The following NPC1 variants were observed in gnomAD, a reference collection of about 807,000 sequenced individuals.
The protein encoded by NPC1 is NPC intracellular cholesterol transporter 1.
In NPC1, 85 loss-of-function variants were observed where a neutral mutation model predicts 140.4. That is an observed-to-expected ratio of 0.61 (90% CI 0.51 to 0.72). The LOEUF (loss-of-function observed/expected upper bound fraction) is 0.72. NPC1 is among the 30% of genes least tolerant of loss of function. The probability of loss-of-function intolerance (pLI) is 0.00; values close to 1 mark genes in which losing one functional copy is unlikely to be tolerated. For missense variants in NPC1, 1,504 were observed against 1,623.8 expected, an observed-to-expected ratio of 0.93 and a Z score of 1.27; for synonymous variants, 656 against 624.8, an observed-to-expected ratio of 1.05 and a Z score of -0.74.
At chr18:23,573,158 T>G (rs144483898) in intron 2 of NPC1, among the ~76,000 whole-genome samples, 19 of 152,328 alleles carry the variant, frequency 1.2e-4, no homozygotes, top group Middle Eastern at 3.4e-3. Context: ...TAATATATTT[T>G]GCAGATGCTG....
At chr18:23,546,227 T>G (rs2058786762) in intron 11 of NPC1, among the ~76,000 whole-genome samples, 3 of 114,222 alleles carry the variant, frequency 2.6e-5, no homozygotes. Context: ...CCAGCCTGGA[T>G]GACACAGCAA....
rs542502789 is a variant in NPC1 at position 23,557,949 on chromosome 18, C to A, written c.882-759G>T. Among the ~76,000 whole-genome samples, 5 of 152,184 alleles carry A rather than the reference C, an allele frequency of 3.3e-5. No homozygotes were observed. The East Asian group carries it at 5.8e-4, about 18-fold the overall frequency. On this transcript the variant is annotated intron_variant, in intron 6 of 24. Coordinates refer to ENST00000269228, the MANE Select transcript of NPC1 (RefSeq NM_000271.5). Reference sequence around the variant, plus strand: ...GCCAGCCAGAAGGCACTCCCAATGGCCCAAAGTGGAAAACTTTGAGTAACA... The same window carrying A: ...GCCAGCCAGAAGGCACTCCCAATGGACCAAAGTGGAAAACTTTGAGTAACA...
chr18:23,541,547 G>T, intron 14 of NPC1, 114 bp from the exon 15 acceptor site: 1 of 1,359,900 alleles, frequency 7.4e-7, no homozygotes, highest in Non-Finnish European at 1.0e-6. Flanking sequence ...CCAAACGCAT[G>T]AGAAGGCATG....
chr18:23,557,519 G>A (rs956558698), intron 6 of NPC1, among the ~76,000 whole-genome samples: 1 of 152,242 alleles, frequency 6.6e-6, no homozygotes, highest in African/African-American at 2.4e-5. Context: ...ACTTTGGGAG[G>A]CCAAGGTGGG....
At chr18:23,573,889 T>C (rs1475051066) in intron 1 of NPC1, among the ~76,000 whole-genome samples, 1 of 152,192 alleles carries the variant, frequency 6.6e-6, no homozygotes, top group Non-Finnish European at 1.5e-5. Flanking sequence ...GATAGTGACT[T>C]AGCAATTACT....
At chr18:23,518,311 T>C (rs1246829154), downstream of NPC1, among the ~76,000 whole-genome samples, 3 of 152,204 alleles carry the variant, frequency 2.0e-5, no homozygotes, top group African/African-American at 7.2e-5. Context: ...GGCAACATAG[T>C]GAGACCCTGT....
chr18:23,565,861 T>C (rs1309897772), intron 4 of NPC1, among the ~76,000 whole-genome samples: 3 of 152,244 alleles, frequency 2.0e-5, no homozygotes, highest in African/African-American at 7.2e-5. Context: ...TTGATTATTA[T>C]TGTCTCTCCC....
At chr18:23,549,303 C>A (rs968607271) in intron 10 of NPC1, among the ~76,000 whole-genome samples, 2 of 152,008 alleles carry the variant, frequency 1.3e-5, no homozygotes, top group African/African-American at 2.4e-5. Context: ...CTCAAGCAAT[C>A]CTCCTGCCTT....
chr18:23,586,431 C>A lies in NPC1; in HGVS notation c.-88G>T. ...GCTCTACTTCCCCGGGCTGTTTCAG[C>A]ACCCCGCGCAGGAGGAGCGGAGGAG... is the stretch of plus-strand genomic sequence containing the variant. On this transcript the variant is annotated 5_prime_UTR_variant, in exon 1 of 25. Coordinates refer to ENST00000269228, the MANE Select transcript of NPC1 (RefSeq NM_000271.5). The A allele has an allele frequency of 6.6e-7, 1 of 1,517,074 alleles. No homozygotes were observed. The highest frequency in any genetic ancestry group is 8.8e-7 in the Non-Finnish European group (1 of 1,138,604). 94.0% of individuals were successfully genotyped at this position (1,517,074 alleles called of 1,614,324 possible).
downstream of NPC1, chr18:23,524,581 A>G (rs1441062059): frequency 2.3e-5 from 28 of 1,225,762 alleles, no homozygotes; most frequent in East Asian, 4.2e-4. Context: ...TCTCTTAGAA[A>G]TGACCCCTCC....
intron 3 of NPC1, 112 bp from the exon 4 acceptor site, chr18:23,569,110 C>A: frequency 2.6e-6 from 2 of 759,420 alleles, no homozygotes; most frequent in Middle Eastern, 3.6e-4. Context: ...GACAAATTAC[C>A]AAGAGAACAT....
At chr18:23,534,194 G>T in intron 23 of NPC1, 1 of 584,376 alleles carries the variant, frequency 1.7e-6, no homozygotes, top group Non-Finnish European at 3.1e-6. Flanking sequence ...AAGACTGCCA[G>T]CTGTCTCATG....
At chr18:23,555,823 T>TC (rs1221095179) in intron 8 of NPC1, among the ~76,000 whole-genome samples, 1 of 152,158 alleles carries the variant, frequency 6.6e-6, no homozygotes, top group Non-Finnish European at 1.5e-5. Flanking sequence ...GGCAGCTCCT[T>TC]CCTCAGCCCC....
intron 21 of NPC1, 107 bp from the exon 22 acceptor site, chr18:23,535,807 C>G: frequency 1.3e-6 from 1 of 797,342 alleles, no homozygotes; most frequent in East Asian, 2.6e-5. Context: ...GGAAACATCC[C>G]TTGCAGAAAA....
At chr18:23,555,134 C>T in intron 8 of NPC1, 150 bp from the exon 9 acceptor site, 1 of 695,226 alleles carries the variant, frequency 1.4e-6, no homozygotes, top group South Asian at 1.6e-5. Flanking sequence ...AGATGCAATA[C>T]AGTAAGAAAA....
intron 4 of NPC1, among the ~76,000 whole-genome samples, chr18:23,563,162 T>C (rs764502245): frequency 1.3e-5 from 2 of 152,238 alleles, no homozygotes; most frequent in Non-Finnish European, 2.9e-5. Context: ...TCATTTAGCA[T>C]AATGTTCTCA....
intron 1 of NPC1, among the ~76,000 whole-genome samples, chr18:23,574,361 C>T (rs1177993150): frequency 7.2e-5 from 11 of 152,192 alleles, no homozygotes; most frequent in South Asian, 4.2e-4. Flanking sequence ...GCCAGGGCCC[C>T]GGGCCTGCAA....
Position 23,541,051 on chromosome 18 carries a change from C to G in NPC1, c.2514+17G>C. The G allele has an allele frequency of 6.2e-7, 1 of 1,613,906 alleles. No individual in the cohort carries two copies. The highest frequency in any genetic ancestry group is 8.5e-7 in the Non-Finnish European group (1 of 1,179,886). On this transcript the variant is annotated intron_variant, in intron 16 of 24. Transcript: ENST00000269228. ...TTTCAGTGAGAGGAAAGAGAAAAACCACAGATAAGCGCATACCACAATTGG... is the reference window on the plus strand; with the variant it reads ...TTTCAGTGAGAGGAAAGAGAAAAACGACAGATAAGCGCATACCACAATTGG...
chr18:23,581,346 C>A, intron 1 of NPC1, among the ~76,000 whole-genome samples: 1 of 152,198 alleles, frequency 6.6e-6, no homozygotes. Context: ...AGTGGAATAT[C>A]TGCTGAACAC....
Sources: allele counts gnomAD v4.1 joint callset (sites outside exome capture counted in the v4.1 genomes callset), GRCh38; gene constraint gnomAD v4.1.1; transcripts MANE v1.5; gene names NCBI Gene and HGNC (gene_info 2026-07-23, HGNC 2026-07-21).